The following TMEM39B variants were observed in gnomAD, a reference collection of about 807,000 sequenced individuals.
The protein encoded by TMEM39B is transmembrane protein 39B.
A neutral mutation model predicts 52.2 loss-of-function variants in TMEM39B; 23 were observed. The ratio of observed to expected loss-of-function variants is 0.44; its 90% CI spans 0.32 to 0.62. The LOEUF (loss-of-function observed/expected upper bound fraction) is 0.62, where lower values mean the gene tolerates loss of function less well. Among genes scored for constraint, TMEM39B ranks in the 20% least tolerant of loss-of-function variants. The probability of loss-of-function intolerance (pLI) is 0.06; values close to 1 mark genes in which losing one functional copy is unlikely to be tolerated. For missense variants in TMEM39B, 547 were observed against 642.0 expected (o/e 0.85, Z 1.60); for synonymous variants, 285 against 264.0 (o/e 1.08, Z -0.77).
At chr1:32,072,410 A>AAT, upstream of TMEM39B, 1 of 152,348 alleles carries the variant, frequency 6.6e-6, no homozygotes, top group South Asian at 2.0e-4. Context: ...AAGGCTGGGA[A>AAT]ATGGCAGTCA....
intron 7 of TMEM39B, among the ~76,000 whole-genome samples, chr1:32,096,114 C>T (rs1421910101): frequency 6.6e-6 from 1 of 151,702 alleles, no homozygotes; most frequent in African/African-American, 2.4e-5. Context: ...AAGCAAATCT[C>T]CTCAGGTCCT....
intron 7 of TMEM39B, among the ~76,000 whole-genome samples, chr1:32,097,691 C>G (rs1260570842): frequency 1.3e-5 from 2 of 151,774 alleles, no homozygotes; most frequent in African/African-American, 4.8e-5. Flanking sequence ...GTCGCCCAGG[C>G]TGGAGTGCAG....
intron 5 of TMEM39B, among the ~76,000 whole-genome samples, chr1:32,083,144 G>A (rs1331520053): frequency 6.9e-6 from 1 of 144,466 alleles, no homozygotes; most frequent in Non-Finnish European, 1.5e-5. Flanking sequence ...GTGTGCAATG[G>A]CGCCATCTCT....
At chr1:32,083,523 A>G (rs1640205732) in intron 5 of TMEM39B, among the ~76,000 whole-genome samples, 1 of 140,954 alleles carries the variant, frequency 7.1e-6, no homozygotes, top group South Asian at 2.2e-4. Flanking sequence ...CCCAGTTTCA[A>G]GCGATTTTCC....
chr1:32,102,237 A>C (rs1353372639), intron 8 of TMEM39B, among the ~76,000 whole-genome samples, 194 bp from the exon 9 acceptor site: 1 of 152,130 alleles, frequency 6.6e-6, no homozygotes, highest in African/African-American at 2.4e-5. Context: ...CAGCAGTCCT[A>C]TCAGGAGGAA....
intron 5 of TMEM39B, among the ~76,000 whole-genome samples, chr1:32,078,002 C>T (rs1481569596): frequency 1.3e-5 from 2 of 152,040 alleles, no homozygotes; most frequent in Admixed American, 6.6e-5. Context: ...CTGCTGGCTG[C>T]CTGAGCATTA....
intron 8 of TMEM39B, 156 bp downstream of exon 8, chr1:32,100,718 A>C (rs368045523): frequency 1.1e-5 from 12 of 1,047,458 alleles, no homozygotes; most frequent in African/African-American, 1.1e-4. Context: ...ACAGCCATAT[A>C]AATTGTCACT....
At chr1:32,074,862 A>G in intron 1 of TMEM39B, 89 bp from the exon 2 acceptor site, 1 of 1,426,074 alleles carries the variant, frequency 7.0e-7, no homozygotes, top group South Asian at 1.4e-5. Flanking sequence ...ATAAAGTGAG[A>G]TACTAGGTGA....
In TMEM39B at chr1:32,091,657, C is replaced by T. The variant is rs1400027790; in HGVS notation, c.591-18C>T. On this transcript the variant is annotated intron_variant, in intron 5 of 8. Transcript: ENST00000336294. ...GGCCCATGGGCAGGCCTTCCCTCAC[C>T]ACCGTCTTCCCCAGCAGGTTTGGGA... is the stretch of plus-strand genomic sequence containing the variant. The T allele has an allele frequency of 8.9e-6, 14 of 1,568,356 alleles. No homozygotes were observed. The highest frequency in any genetic ancestry group is 1.1e-5 in the Non-Finnish European group (13 of 1,153,692).
At position 32,076,792 on chromosome 1, in the gene TMEM39B, G is replaced by T; in HGVS notation, c.381G>T (p.Leu127=). 2 of 1,614,122 alleles carry T rather than the reference G, an allele frequency of 1.2e-6. No individual in the cohort carries two copies. The highest frequency in any genetic ancestry group is 2.2e-5 in the South Asian group (2 of 91,070). ...LNFHLIDFNL[L]MVTTIVLGRR... ...TCCATCTGATCGACTTCAACTTGCTGATGGTGACCACCATCGTTCTGGGCC... is the reference window on the plus strand; with the variant it reads ...TCCATCTGATCGACTTCAACTTGCTTATGGTGACCACCATCGTTCTGGGCC... Residue 127 remains leucine, a synonymous_variant, in exon 4 of 9, where the codon CTG becomes CTT. Transcript: ENST00000336294.
upstream of TMEM39B, chr1:32,072,803 C>T (rs1275412034): frequency 7.4e-6 from 4 of 537,696 alleles, no homozygotes; most frequent in Non-Finnish European, 1.3e-5. Flanking sequence ...CCAGCAGCTG[C>T]AGGAAGGGCG....
chr1:32,086,161 G>A (rs991242663), intron 5 of TMEM39B, among the ~76,000 whole-genome samples: 3 of 152,104 alleles, frequency 2.0e-5, no homozygotes, highest in African/African-American at 7.2e-5. Flanking sequence ...TATGAGGTGA[G>A]TAGGGGAATA....
At chr1:32,096,768 T>G (rs1260322074) in intron 7 of TMEM39B, among the ~76,000 whole-genome samples, 2 of 151,020 alleles carry the variant, frequency 1.3e-5, no homozygotes, top group Admixed American at 1.3e-4. Flanking sequence ...GCCTAGGCCT[T>G]TCTTTTTAAG....
chr1:32,074,610 GGAGA>G (rs575569014), intron 1 of TMEM39B, among the ~76,000 whole-genome samples: 1 of 152,122 alleles, frequency 6.6e-6, no homozygotes, highest in Non-Finnish European at 1.5e-5. Context: ...AATAGAAATT[GGAGA>G]GAGAGTGATG....
chr1:32,102,189 A>T (rs1641042402), intron 8 of TMEM39B, among the ~76,000 whole-genome samples: 1 of 152,120 alleles, frequency 6.6e-6, no homozygotes, highest in African/African-American at 2.4e-5. Flanking sequence ...TAGGGGAGGT[A>T]GAAGTTGAAC....
upstream of TMEM39B, chr1:32,072,894 C>A (rs1291145305): frequency 1.6e-5 from 17 of 1,045,834 alleles, no homozygotes; most frequent in Non-Finnish European, 2.3e-5. Context: ...CAGCTTCCAG[C>A]CCGCCTTGTA....
intron 5 of TMEM39B, among the ~76,000 whole-genome samples, chr1:32,083,565 C>CG (rs888492735): frequency 6.7e-6 from 1 of 149,068 alleles, no homozygotes; most frequent in African/African-American, 2.5e-5. Context: ...TGGGACTACA[C>CG]GCGCCCGCCA....
At position 32,077,119 on chromosome 1, in the gene TMEM39B, G is replaced by A. The variant is rs187090348; in HGVS notation, c.436-45G>A. 3.7e-6 allele frequency: 6 copies of A among 1,607,458 alleles called. No homozygotes were observed. In the East Asian group the frequency reaches 1.1e-4, roughly 30 times the overall value. On this transcript the variant is annotated intron_variant, in intron 4 of 8. Transcript: ENST00000336294. The stretch of plus-strand genomic sequence containing the variant: ...GTGGGATTTGGGCACAGCCCCTTCG[G>A]CCTCCATCCAAGGCCCCATCCCGTC...
chr1:32,099,415 A>G (rs908362914), intron 7 of TMEM39B, among the ~76,000 whole-genome samples: 21 of 152,180 alleles, frequency 1.4e-4, no homozygotes, highest in African/African-American at 5.1e-4. Flanking sequence ...ATGTATACAT[A>G]TGTAACAAAC....
Sources: gnomAD v4.1 joint callset for allele counts (sites outside exome capture counted in the v4.1 genomes callset) on GRCh38, gnomAD v4.1.1 for gene constraint, MANE v1.5 for transcripts, NCBI Gene and HGNC (gene_info 2026-07-23, HGNC 2026-07-21) for gene names.